PGPEP1L: variants seen among roughly 807,000 people sequenced by gnomAD.
The protein encoded by PGPEP1L is pyroglutamyl-peptidase I like.
A neutral mutation model predicts 6.0 loss-of-function variants in PGPEP1L; 7 were observed. The ratio of observed to expected loss-of-function variants is 1.17; its 90% confidence interval spans 0.66 to 2.19. The LOEUF is 2.19. Ranked by LOEUF, PGPEP1L falls within the 30% of genes most tolerant of loss-of-function variation. The probability of loss-of-function intolerance (pLI) is 0.00; values close to 1 mark genes in which losing one functional copy is unlikely to be tolerated. For synonymous variants in PGPEP1L, 103 were observed against 83.9 expected (o/e 1.23, Z -1.24); for missense variants, 209 against 192.5 (o/e 1.09, Z -0.51).
chr15:98,971,868 A>G (rs1264435406), intron 2 of PGPEP1L, among the ~76,000 whole-genome samples: 1 of 152,282 alleles, frequency 6.6e-6, no homozygotes, highest in Non-Finnish European at 1.5e-5. Flanking sequence ...ACATAAAAAG[A>G]TAAAACTGAA....
chr15:98,972,292 G>T (rs1001994995), intron 2 of PGPEP1L, among the ~76,000 whole-genome samples: 1 of 152,080 alleles, frequency 6.6e-6, no homozygotes. Context: ...GGCAGAGGTT[G>T]CAGTGAACTG....
chr15:98,982,144 G>A (rs752421669), intron 2 of PGPEP1L, among the ~76,000 whole-genome samples: 1 of 152,224 alleles, frequency 6.6e-6, no homozygotes, highest in Admixed American at 6.5e-5. Context: ...CTAGGAGCAC[G>A]GTGTTTGTGG....
chr15:98,984,009 C>CT (rs71456904), intron 2 of PGPEP1L, among the ~76,000 whole-genome samples: 2,084 of 115,656 alleles, frequency 0.018, 102 homozygotes, highest in Middle Eastern at 0.034. Context: ...AGTAAGTAGT[C>CT]TTTTTTTTTT....
intron 2 of PGPEP1L, among the ~76,000 whole-genome samples, chr15:99,000,046 G>T (rs1261612411): frequency 1.3e-5 from 2 of 152,250 alleles, no homozygotes; most frequent in African/African-American, 4.8e-5. Context: ...GGGAGGCGTG[G>T]AGGGAGAGGC....
At chr15:99,001,287 AAAG>A in intron 2 of PGPEP1L, 2 of 257,786 alleles carry the variant, frequency 7.8e-6, no homozygotes, top group East Asian at 2.9e-4. Context: ...ATGCTAAATG[AAAG>A]AAGCCAGAGG....
At chr15:98,977,477 A>T (rs2017587062) in intron 2 of PGPEP1L, among the ~76,000 whole-genome samples, 2 of 152,214 alleles carry the variant, frequency 1.3e-5, no homozygotes, top group South Asian at 4.1e-4. Flanking sequence ...TTTGGTTTCC[A>T]AAATTTAGGA....
At chr15:98,987,473 T>C (rs1200061346) in intron 2 of PGPEP1L, among the ~76,000 whole-genome samples, 3 of 150,062 alleles carry the variant, frequency 2.0e-5, no homozygotes, top group African/African-American at 7.3e-5. Flanking sequence ...AAGCCTGAGG[T>C]GGGCAGGGGT....
At chr15:98,987,923 G>C (rs1339691270) in intron 2 of PGPEP1L, among the ~76,000 whole-genome samples, 3 of 152,134 alleles carry the variant, frequency 2.0e-5, no homozygotes, top group Non-Finnish European at 1.5e-5. Flanking sequence ...AGCTGTGAGA[G>C]ACTGTACTAG....
At chr15:98,993,189 AT>A (rs2017841460) in intron 2 of PGPEP1L, among the ~76,000 whole-genome samples, 1 of 152,320 alleles carries the variant, frequency 6.6e-6, no homozygotes, top group East Asian at 1.9e-4. Flanking sequence ...ATGGGAGAAC[AT>A]TTTTGCAATC....
Position 98,969,639 on chromosome 15 carries a change from C to T in PGPEP1L, c.-6G>A, listed in dbSNP as rs2151753186. On this transcript the variant is annotated 5_prime_UTR_variant, in exon 4 of 5. The change creates a new upstream start codon in the 5' untranslated region. Coordinates refer to ENST00000535714, the MANE Select transcript of PGPEP1L (RefSeq NM_001167902.2). ...GCCTTGGCGGCGGTGTCCATGCCCACATGCACGACGAGCTGTGTGAACGGG... is the reference window on the plus strand; with the variant it reads ...GCCTTGGCGGCGGTGTCCATGCCCATATGCACGACGAGCTGTGTGAACGGG... 1.9e-6 allele frequency: 3 copies of T among 1,611,688 alleles called. No homozygotes were observed. Among genetic ancestry groups the T allele is most frequent in the South Asian group, 2.2e-5 (2 of 91,068 alleles).
chr15:99,006,982 G>A (rs1209771998), intron 1 of PGPEP1L, among the ~76,000 whole-genome samples: 11 of 152,160 alleles, frequency 7.2e-5, no homozygotes, highest in East Asian at 1.9e-4. Flanking sequence ...GTGACAGCAG[G>A]ACCACGTGGC....
In PGPEP1L at chr15:98,968,450, A is replaced by C. The variant is rs1346654207; in HGVS notation, c.*28T>G. On this transcript the variant is annotated 3_prime_UTR_variant, in exon 5 of 5. Transcript: ENST00000535714. ...TGCTACATACAGGATTGAAACATTC[A>C]ATTTTCTCTAGAGGAGCAATCCCCC... The C allele has an allele frequency of 2.5e-6, 4 of 1,597,124 alleles. No individual in the cohort carries two copies. In the African/African-American group the frequency reaches 4.0e-5, roughly 16 times the overall value.
chr15:98,993,509 C>A (rs2017845631), intron 2 of PGPEP1L, among the ~76,000 whole-genome samples: 1 of 152,054 alleles, frequency 6.6e-6, no homozygotes, highest in Non-Finnish European at 1.5e-5. Context: ...GGAGTGTAAA[C>A]TAGTTCAACA....
At chr15:98,969,226 G>T (rs1406254595) in intron 4 of PGPEP1L, among the ~76,000 whole-genome samples, 199 bp downstream of exon 4, 2 of 152,198 alleles carry the variant, frequency 1.3e-5, no homozygotes, top group African/African-American at 4.8e-5. Context: ...CCACAGGCAG[G>T]TCTCACAAAC....
chr15:98,981,181 C>T (rs1449567497), intron 2 of PGPEP1L, among the ~76,000 whole-genome samples: 1 of 151,868 alleles, frequency 6.6e-6, no homozygotes, highest in African/African-American at 2.4e-5. Flanking sequence ...TCTTCAAAAC[C>T]ATCAACGTCA....
intron 3 of PGPEP1L, among the ~76,000 whole-genome samples, chr15:98,970,694 C>T (rs1049632853): frequency 5.3e-5 from 8 of 152,214 alleles, no homozygotes; most frequent in African/African-American, 1.9e-4. Flanking sequence ...CTCACGTCCA[C>T]CTTCAAACCT....
At chr15:98,988,941 A>C (rs1555471766) in intron 2 of PGPEP1L, among the ~76,000 whole-genome samples, 1 of 152,212 alleles carries the variant, frequency 6.6e-6, no homozygotes, top group African/African-American at 2.4e-5. Context: ...CAACATCAAC[A>C]AAAAAGGACG....
chr15:99,002,512 A>G (rs2017987797), intron 2 of PGPEP1L, among the ~76,000 whole-genome samples: 2 of 152,190 alleles, frequency 1.3e-5, no homozygotes, highest in South Asian at 4.1e-4. Context: ...ACATACTGCA[A>G]GCACAAATTT....
chr15:99,002,519 A>T (rs1472647089), intron 2 of PGPEP1L, among the ~76,000 whole-genome samples: 1 of 152,198 alleles, frequency 6.6e-6, no homozygotes, highest in Non-Finnish European at 1.5e-5. Flanking sequence ...GCAAGCACAA[A>T]TTTTGAATTA....
Sources: gnomAD v4.1 joint callset for allele counts (sites outside exome capture counted in the v4.1 genomes callset) on GRCh38, gnomAD v4.1.1 for gene constraint, MANE v1.5 for transcripts, NCBI Gene and HGNC (gene_info 2026-07-23, HGNC 2026-07-21) for gene names.